The following RDX variants were observed in gnomAD, a reference collection of about 807,000 sequenced individuals.
RDX encodes the protein deafness, autosomal recessive 24.
A neutral mutation model predicts 83.7 loss-of-function variants in RDX; 32 were observed. The ratio of observed to expected loss-of-function variants is 0.38; its 90% CI spans 0.29 to 0.51. The LOEUF is 0.51. RDX is among the 20% of genes least tolerant of loss of function. RDX has a pLI of 0.87. For missense variants in RDX, 600 were observed against 689.9 expected, an observed-to-expected ratio of 0.87 and a Z score of 1.46; for synonymous variants, 229 against 222.7, an observed-to-expected ratio of 1.03 and a Z score of -0.25.
intron 10 of RDX, among the ~76,000 whole-genome samples, chr11:110,241,041 G>A (rs191975275): frequency 0.041 from 4,677 of 113,466 alleles, 352 homozygotes; most frequent in African/African-American, 0.14. Context: ...GGGCGACAGA[G>A]TGAGACTCTG....
chr11:110,235,692 C>T (rs1864818119), intron 12 of RDX, among the ~76,000 whole-genome samples: 1 of 152,228 alleles, frequency 6.6e-6, no homozygotes, highest in Admixed American at 6.5e-5. Context: ...CTGAACAACA[C>T]TAAGCCTCGG....
chr11:110,207,543 A>T (rs1863650530), intron 14 of RDX, among the ~76,000 whole-genome samples: 1 of 152,198 alleles, frequency 6.6e-6, no homozygotes, highest in Non-Finnish European at 1.5e-5. Flanking sequence ...AAAAACCTTT[A>T]ACTCAGGAGG....
At chr11:110,275,663 C>G (rs1023156022) in intron 2 of RDX, among the ~76,000 whole-genome samples, 5 of 152,092 alleles carry the variant, frequency 3.3e-5, no homozygotes, top group African/African-American at 9.7e-5. Flanking sequence ...AAAAGAACCT[C>G]CCATATTGTG....
intron 5 of RDX, among the ~76,000 whole-genome samples, chr11:110,259,590 C>G (rs970657209): frequency 1.4e-4 from 21 of 152,178 alleles, no homozygotes; most frequent in Non-Finnish European, 2.9e-4. Flanking sequence ...GCTCCTTTCT[C>G]TAGGCATCTT....
intron 10 of RDX, among the ~76,000 whole-genome samples, chr11:110,238,094 A>G (rs1397551455): frequency 6.6e-6 from 1 of 152,240 alleles, no homozygotes; most frequent in African/African-American, 2.4e-5. Flanking sequence ...TCAGAAATCT[A>G]TAATACATTT....
At chr11:110,205,794 T>C (rs1334101193) in intron 14 of RDX, among the ~76,000 whole-genome samples, 2 of 152,132 alleles carry the variant, frequency 1.3e-5, no homozygotes, top group Non-Finnish European at 2.9e-5. Context: ...TAGGAAACAA[T>C]TGATGGTTAC....
At chr11:110,278,105 T>C (rs758690802) in intron 2 of RDX, among the ~76,000 whole-genome samples, 2 of 152,198 alleles carry the variant, frequency 1.3e-5, no homozygotes, top group Non-Finnish European at 2.9e-5. Context: ...TGAATACATA[T>C]GTGTATATGT....
rs759844390 is a variant in RDX at position 110,257,778 on chromosome 11, C to T, written c.687G>A (p.Glu229=). 3.7e-6 allele frequency: 6 copies of T among 1,611,778 alleles called. No homozygotes were observed. Among genetic ancestry groups the T allele is most frequent in the Non-Finnish European group, 4.2e-6 (5 of 1,179,660 alleles). ...GVDALGLNIY[E]HDDKLTPKIG... is the part of the protein sequence containing the mutation. ...ACTAATTTACTTACTTGTCGTCATG[C>T]TCATAAATATTCAGACCCAAAGCAT... Residue 229 remains glutamate (E), a synonymous_variant, in exon 7 of 14, where the codon GAG becomes GAA. Coordinates refer to ENST00000645495, the MANE Select transcript of RDX (RefSeq NM_002906.4).
intron 1 of RDX, among the ~76,000 whole-genome samples, chr11:110,286,365 C>G (rs1277128864): frequency 6.6e-6 from 1 of 152,212 alleles, no homozygotes; most frequent in Non-Finnish European, 1.5e-5. Context: ...ACATTAGAGA[C>G]AACATAGACA....
intron 14 of RDX, among the ~76,000 whole-genome samples, chr11:110,223,650 G>A (rs1203554870): frequency 1.3e-5 from 2 of 152,106 alleles, no homozygotes; most frequent in Non-Finnish European, 2.9e-5. Context: ...GAACTAGATT[G>A]TATTAGGAAT....
chr11:110,252,471 G>C (rs1238058017), intron 9 of RDX, among the ~76,000 whole-genome samples: 2 of 152,142 alleles, frequency 1.3e-5, no homozygotes, highest in African/African-American at 4.8e-5. Flanking sequence ...ATACTATAGA[G>C]TGATGAGTAT....
chr11:110,238,705 T>C (rs527522101), intron 10 of RDX, among the ~76,000 whole-genome samples: 5 of 151,460 alleles, frequency 3.3e-5, no homozygotes, highest in African/African-American at 1.2e-4. Flanking sequence ...GGGTGGATCA[T>C]TTGAGGTCAG....
chr11:110,286,852 T>G (rs1452730227), intron 1 of RDX: 1 of 152,222 alleles, frequency 6.6e-6, no homozygotes, highest in Non-Finnish European at 1.5e-5. Context: ...CATTTTATTT[T>G]TCCTGCATGG....
intron 15 of RDX, among the ~76,000 whole-genome samples, chr11:110,187,282 A>G (rs991900379): frequency 3.9e-5 from 6 of 152,080 alleles, no homozygotes; most frequent in Non-Finnish European, 7.4e-5. Flanking sequence ...TTTGCTCCAC[A>G]CTCAGGGAGA....
chr11:110,218,804 A>G (rs1323437675), intron 14 of RDX, among the ~76,000 whole-genome samples: 17 of 152,210 alleles, frequency 1.1e-4, no homozygotes, highest in Non-Finnish European at 1.5e-5. Flanking sequence ...CTTAGGGATC[A>G]TCTCCCACAG....
chr11:110,230,945 GA>G lies in RDX; in HGVS notation c.*923del, dbSNP rs35381725. The G allele has an allele frequency of 0.71, 108,196 of 152,462 alleles. 38,859 individuals carry two copies. The highest frequency in any genetic ancestry group is 0.82 in the East Asian group (4,276 of 5,184). 9.4% of individuals were successfully genotyped at this position (152,462 alleles called of 1,614,324 possible). A position where few individuals can be genotyped will look rare whatever the true frequency, so the allele number is the denominator to read the frequency against. ...GATGTTTTTATATGCTGCCCTTCCA[GA>G]AAAGGTCCAGGTTTTAAAAAATAAC... On this transcript the variant is annotated 3_prime_UTR_variant, in exon 14 of 14. Coordinates refer to ENST00000645495, the MANE Select transcript of RDX (RefSeq NM_002906.4).
intron 14 of RDX, among the ~76,000 whole-genome samples, chr11:110,218,169 C>G (rs1475433674): frequency 6.6e-6 from 1 of 152,174 alleles, no homozygotes; most frequent in East Asian, 1.9e-4. Flanking sequence ...ATGGAGCTGA[C>G]AGAGGACACT....
intron 15 of RDX, among the ~76,000 whole-genome samples, chr11:110,197,012 C>T (rs1040483054): frequency 1.3e-5 from 2 of 152,214 alleles, no homozygotes; most frequent in African/African-American, 4.8e-5. Flanking sequence ...AATTCTCCCA[C>T]CTCAGCCTCC....
chr11:110,294,550 A>T (rs959172330), intron 1 of RDX, among the ~76,000 whole-genome samples: 27 of 152,296 alleles, frequency 1.8e-4, no homozygotes, highest in African/African-American at 6.3e-4. Context: ...TTAAAAAAAA[A>T]ATCCAATTCT....
Sources: gnomAD v4.1 joint callset for allele counts (sites outside exome capture counted in the v4.1 genomes callset) on GRCh38, gnomAD v4.1.1 for gene constraint, MANE v1.5 for transcripts, NCBI Gene and HGNC (gene_info 2026-07-23, HGNC 2026-07-21) for gene names.